The following EFHD2 variants were observed in gnomAD, a reference collection of about 807,000 sequenced individuals.
EFHD2 encodes EF-hand domain-containing protein D2.
A neutral mutation model predicts 20.3 loss-of-function variants in EFHD2; 12 were observed. The observed-to-expected ratio is 0.59, with a 90% confidence interval of 0.38 to 0.96. The LOEUF is 0.96. EFHD2 is among the 40% of genes least tolerant of loss of function. EFHD2 has a pLI of 0.00. For missense variants in EFHD2, 250 were observed against 334.3 expected, an observed-to-expected ratio of 0.75 and a Z score of 1.97; for synonymous variants, 131 against 143.9, an observed-to-expected ratio of 0.91 and a Z score of 0.64.
At chr1:15,415,965 C>T (rs1387540542) in intron 1 of EFHD2, among the ~76,000 whole-genome samples, 1 of 152,086 alleles carries the variant, frequency 6.6e-6, no homozygotes, top group East Asian at 1.9e-4. Flanking sequence ...GGGGAGCCTC[C>T]GAGAGCCTTA....
rs999234225 is a variant in EFHD2, at chr1:15,410,007, G to C, written c.36G>C (p.Arg12=). Residue 12 remains arginine, a synonymous_variant, in exon 1 of 4, where the codon CGG becomes CGC. Coordinates refer to ENST00000375980, the MANE Select transcript of EFHD2 (RefSeq NM_024329.6). Reference sequence around the variant, plus strand: ...ACGAGCTGGCCACCAAGCTGAGCCGGCGGCTGCAGATGGAGGGCGAGGGCG... The same window carrying C: ...ACGAGCTGGCCACCAAGCTGAGCCGCCGGCTGCAGATGGAGGGCGAGGGCG... The part of the protein sequence containing the change: ...ATDELATKLS[R]RLQMEGEGGG... The C allele has an allele frequency of 1.0e-5, 13 of 1,260,258 alleles. No individual in the cohort carries two copies. In the Admixed American group the frequency reaches 1.7e-4, roughly 17 times the overall value. 78.1% of individuals were successfully genotyped at this position (1,260,258 alleles called of 1,614,324 possible).
intron 1 of EFHD2, among the ~76,000 whole-genome samples, chr1:15,419,295 C>T (rs1235931044): frequency 6.6e-6 from 1 of 152,220 alleles, no homozygotes; most frequent in Non-Finnish European, 1.5e-5. Context: ...CTGAGCCCTC[C>T]CTGACGAGAA....
intron 3 of EFHD2, 25 bp from the exon 4 acceptor site, chr1:15,428,568 C>T: frequency 1.2e-6 from 2 of 1,607,998 alleles, no homozygotes; most frequent in Non-Finnish European, 1.7e-6. Context: ...CCAGCCCTGA[C>T]CCCCTCACCC....
intron 3 of EFHD2, chr1:15,427,979 G>A (rs750520809): frequency 1.1e-5 from 5 of 470,962 alleles, no homozygotes; most frequent in East Asian, 6.9e-5. Context: ...CCCTTCGAGC[G>A]CCCTTGCTTT....
At chr1:15,417,762 C>G (rs1246921364) in intron 1 of EFHD2, among the ~76,000 whole-genome samples, 3 of 152,152 alleles carry the variant, frequency 2.0e-5, no homozygotes, top group Non-Finnish European at 2.9e-5. Context: ...GAGCCCATAC[C>G]CAACACCCAC....
intron 1 of EFHD2, among the ~76,000 whole-genome samples, chr1:15,425,042 G>A (rs1707850908): frequency 1.3e-5 from 2 of 152,166 alleles, no homozygotes; most frequent in Non-Finnish European, 2.9e-5. Flanking sequence ...CTACGGCAAG[G>A]ATTTGTTCTG....
chr1:15,429,113 C>G lies in EFHD2; in HGVS notation c.*389C>G, dbSNP rs1011535585. The stretch of plus-strand genomic sequence containing the variant: ...CCCTGTCCCCCCAACCCGGGAACCC[C>G]TGCCCTCCTCCAGCAGGCCGCACCG... On this transcript the variant is annotated 3_prime_UTR_variant, in exon 4 of 4. Coordinates refer to ENST00000375980, the MANE Select transcript of EFHD2 (RefSeq NM_024329.6). 1 of 217,006 alleles carries G rather than the reference C, an allele frequency of 4.6e-6. No homozygotes were observed. Among genetic ancestry groups the G allele is most frequent in the Non-Finnish European group, 9.4e-6 (1 of 106,400 alleles). 13.4% of individuals were successfully genotyped at this position (217,006 alleles called of 1,614,324 possible). A position where few individuals can be genotyped will look rare whatever the true frequency, so the allele number is the denominator to read the frequency against.
In EFHD2 at chr1:15,427,212, G is replaced by C. The variant is rs372270772; in HGVS notation, c.519G>C (p.Val173=). The C allele has an allele frequency of 7.4e-5, 119 of 1,600,820 alleles. No homozygotes were observed. In the East Asian group the frequency reaches 2.1e-3, roughly 29 times the overall value. Residue 173 remains valine (V), a synonymous_variant, in exon 3 of 4, where the codon GTG becomes GTC. Coordinates refer to ENST00000375980, the MANE Select transcript of EFHD2 (RefSeq NM_024329.6). Reference sequence around the variant, plus strand: ...TTCAGGAGGACAGCGGGCTGTGCGTGCTGGCCCGCCTCTCTGAGATCGACG... The same window carrying C: ...TTCAGGAGGACAGCGGGCTGTGCGTCCTGGCCCGCCTCTCTGAGATCGACG... ...GELQEDSGLC[V]LARLSEIDVS...
chr1:15,415,150 A>G (rs778410347), intron 1 of EFHD2, among the ~76,000 whole-genome samples: 2 of 152,240 alleles, frequency 1.3e-5, no homozygotes, highest in Non-Finnish European at 2.9e-5. Flanking sequence ...TTTTTGCGCT[A>G]CAAGATCCAG....
rs370560827 is a variant in EFHD2, at chr1:15,411,371, TC to T, written c.308+1097del. Among the ~76,000 whole-genome samples, 511 of 151,818 alleles carry T rather than the reference TC, an allele frequency of 3.4e-3. 3 individuals are homozygous for T. Among genetic ancestry groups the T allele is most frequent in the African/African-American group, 0.012 (482 of 41,352 alleles). On this transcript the variant is annotated intron_variant, in intron 1 of 3. Coordinates refer to ENST00000375980, the MANE Select transcript of EFHD2 (RefSeq NM_024329.6). Reference sequence around the variant, plus strand: ...GGGCACCCCCAGGCGTGTGGGCTCATCCCCCTGTCCCCCCACAAAAACAATC... The same window carrying T: ...GGGCACCCCCAGGCGTGTGGGCTCATCCCCTGTCCCCCCACAAAAACAATC...
At chr1:15,417,796 G>A (rs964810746) in intron 1 of EFHD2, among the ~76,000 whole-genome samples, 2 of 152,108 alleles carry the variant, frequency 1.3e-5, no homozygotes, top group African/African-American at 4.8e-5. Context: ...CTGTTCTCCT[G>A]GGACCTGCAC....
chr1:15,427,039 C>G, intron 2 of EFHD2, 111 bp from the exon 3 acceptor site: 1 of 1,431,076 alleles, frequency 7.0e-7, no homozygotes, highest in Non-Finnish European at 9.4e-7. Context: ...CACTGCCCCC[C>G]AGTCCTTCTC....
chr1:15,411,179 A>G (rs1283100526), intron 1 of EFHD2, among the ~76,000 whole-genome samples: 3 of 78,330 alleles, frequency 3.8e-5, no homozygotes, highest in African/African-American at 1.5e-4. Flanking sequence ...AAGGCCCCCC[A>G]TCTCTCCTCC....
chr1:15,412,034 C>A (rs950631787), intron 1 of EFHD2, among the ~76,000 whole-genome samples: 1 of 152,022 alleles, frequency 6.6e-6, no homozygotes, highest in Non-Finnish European at 1.5e-5. Context: ...GTCCTTGACC[C>A]CCGGCCCCTC....
intron 1 of EFHD2, among the ~76,000 whole-genome samples, chr1:15,422,321 G>A (rs1338283052): frequency 6.6e-6 from 1 of 151,664 alleles, no homozygotes; most frequent in African/African-American, 2.4e-5. Flanking sequence ...TTGATCTCCT[G>A]ACCTCATGAT....
chr1:15,427,365 C>A, intron 3 of EFHD2, 81 bp downstream of exon 3: 1 of 1,519,166 alleles, frequency 6.6e-7, no homozygotes, highest in Non-Finnish European at 8.9e-7. Flanking sequence ...AGGTCCCCTT[C>A]CCGTCCCTGC....
chr1:15,414,545 C>T (rs1398400392), intron 1 of EFHD2, among the ~76,000 whole-genome samples: 5 of 152,262 alleles, frequency 3.3e-5, no homozygotes, highest in African/African-American at 7.2e-5. Flanking sequence ...TGACTGTCAC[C>T]GCCATCCCCA....
At position 15,418,732 on chromosome 1, in the gene EFHD2, T is replaced by C. The variant is rs188747754; in HGVS notation, c.309-7139T>C. ...CAGGAATCTGATTTTCAGGAACGAC[T>C]GAATAAGATGGCCTCTAATATCCCT... On this transcript the variant is annotated intron_variant, in intron 1 of 3. Transcript: ENST00000375980. 6.4e-3 allele frequency among the ~76,000 whole-genome samples: 982 copies of C among 152,364 alleles called. 7 individuals are homozygous for C. Among genetic ancestry groups the C allele is most frequent in the Non-Finnish European group, 0.011 (723 of 68,038 alleles).
intron 1 of EFHD2, among the ~76,000 whole-genome samples, chr1:15,417,970 TC>T (rs2103273417): frequency 7.7e-6 from 1 of 129,840 alleles, no homozygotes; most frequent in African/African-American, 3.8e-5. Context: ...GGAGCAACTT[TC>T]TTTCTTTTTC....
Sources: gnomAD v4.1 joint callset for allele counts (sites outside exome capture counted in the v4.1 genomes callset) on GRCh38, gnomAD v4.1.1 for gene constraint, MANE v1.5 for transcripts, NCBI Gene and HGNC (gene_info 2026-07-23, HGNC 2026-07-21) for gene names.